The following AR variants were observed in gnomAD, a reference collection of about 807,000 sequenced individuals.
AR encodes dihydrotestosterone receptor.
In AR, 8 loss-of-function variants were observed where a neutral mutation model predicts 53.9. That is an observed-to-expected ratio of 0.15 (90% CI 0.09 to 0.27). The LOEUF is 0.27. AR is among the 10% of genes least tolerant of loss of function. The pLI is 1.00. For synonymous variants in AR, 359 were observed against 316.4 expected, an observed-to-expected ratio of 1.13 and a Z score of -1.43; for missense variants, 639 against 742.5, an observed-to-expected ratio of 0.86 and a Z score of 1.62.
intron 2 of AR, among the ~76,000 whole-genome samples, chrX:67,660,072 T>C (rs1795443365): frequency 8.9e-6 from 1 of 112,251 alleles, no homozygotes; most frequent in Admixed American, 9.4e-5. Context: ...TTTGTTTTTT[T>C]CTTGTAAATT....
intron 3 of AR, among the ~76,000 whole-genome samples, chrX:67,691,280 A>G (rs997085219): frequency 1.8e-5 from 2 of 112,362 alleles, no homozygotes; most frequent in African/African-American, 3.2e-5. Flanking sequence ...ATTGGCTTGT[A>G]TAAGAGGCCT....
chrX:67,687,457 A>T (rs922398722), intron 3 of AR, among the ~76,000 whole-genome samples: 9 of 112,151 alleles, frequency 8.0e-5, no homozygotes, highest in African/African-American at 2.6e-4. Flanking sequence ...ATGTTCTGTG[A>T]GTGGCTTTCC....
At chrX:67,672,097 T>C (rs908982548) in intron 2 of AR, among the ~76,000 whole-genome samples, 2 of 111,383 alleles carry the variant, frequency 1.8e-5, no homozygotes, top group African/African-American at 6.5e-5. Context: ...ATGTAGTCTT[T>C]TATTCCTCAC....
rs189269482 is a variant in AR, at chrX:67,684,401, C to T, written c.1769-1609C>T. Among the ~76,000 whole-genome samples the T allele has an allele frequency of 2.7e-5, 3 of 111,208 alleles. No individual in the cohort carries two copies. The East Asian group carries it at 8.5e-4, about 32-fold the overall frequency. On this transcript the variant is annotated intron_variant, in intron 2 of 7. Coordinates refer to ENST00000374690, the MANE Select transcript of AR (RefSeq NM_000044.6). ...CTTAGTTTTCTCATATGTTAAAAAC[C>T]CCTAACACAGGCCTGGTTCATAGTA...
chrX:67,635,620 C>T (rs1322955592), intron 1 of AR, among the ~76,000 whole-genome samples: 2 of 110,547 alleles, frequency 1.8e-5, no homozygotes. Context: ...GTGATCTCAG[C>T]TGGGTGCCAA....
intron 2 of AR, 67 bp downstream of exon 2, chrX:67,643,474 C>T (rs140677514): frequency 1.8e-6 from 2 of 1,118,965 alleles, no homozygotes; most frequent in South Asian, 1.9e-5. Context: ...AGACACTAAC[C>T]TTTCAGGGCC....
At chrX:67,646,649 G>T (rs965238413) in intron 2 of AR, among the ~76,000 whole-genome samples, 1 of 110,511 alleles carries the variant, frequency 9.0e-6, no homozygotes, top group Non-Finnish European at 1.9e-5. Flanking sequence ...CAGAGGTAAG[G>T]GCTCAGAGAG....
In AR at chrX:67,642,997, G is replaced by A. The variant is rs750199609; in HGVS notation, c.1617-259G>A. 6.3e-5 allele frequency among the ~76,000 whole-genome samples: 7 copies of A among 111,443 alleles called. No individual in the cohort carries two copies. In the South Asian group the frequency reaches 1.9e-3, roughly 30 times the overall value. On this transcript the variant is annotated intron_variant, in intron 1 of 7. Transcript: ENST00000374690. ...CAGGCTTCCTGCCTTCATTGCTCCC[G>A]CATATAGACATAGACTATGAGATTG... is the stretch of plus-strand genomic sequence containing the variant.
chrX:67,592,423 C>T (rs1433061471), intron 1 of AR, among the ~76,000 whole-genome samples: 1 of 111,520 alleles, frequency 9.0e-6, no homozygotes, highest in Non-Finnish European at 1.9e-5. Flanking sequence ...TCCCTGAATG[C>T]ATTTAAAATA....
chrX:67,726,304 G>C lies in AR; in HGVS notation c.*2463G>C, dbSNP rs898151018. 5.8e-6 allele frequency: 1 copy of C among 172,719 alleles called. No individual in the cohort carries two copies. Among genetic ancestry groups the C allele is most frequent in the African/African-American group, 3.0e-5 (1 of 33,735 alleles). The allele number at this position is 172,719 out of a possible 1,213,427, so 14.2% of individuals were successfully genotyped here. A position where few individuals can be genotyped will look rare whatever the true frequency, so the allele number is the denominator to read the frequency against. On this transcript the variant is annotated 3_prime_UTR_variant, in exon 8 of 8. Transcript: ENST00000374690. ...CTCATGTACAGGATCACTTTTAGCT[G>C]TTTTAAACAGAAAAAAATATCCACC...
intron 7 of AR, among the ~76,000 whole-genome samples, 192 bp from the exon 8 acceptor site, chrX:67,723,494 T>TTC (rs775253278): frequency 0.013 from 987 of 78,581 alleles, 19 homozygotes; most frequent in African/African-American, 0.039. Context: ...GACCATTTCT[T>TTC]TCTCTCTCTC....
intron 3 of AR, among the ~76,000 whole-genome samples, chrX:67,701,975 C>T (rs1488665579): frequency 9.0e-6 from 1 of 110,853 alleles, no homozygotes; most frequent in East Asian, 2.9e-4. Flanking sequence ...ATAACCCCAG[C>T]CCCACTCCTC....
At position 67,544,783 on chromosome X, in the gene AR, G is replaced by T. The variant is rs1929625693; in HGVS notation, c.-364G>T. On this transcript the variant is annotated 5_prime_UTR_variant, in exon 1 of 8. Coordinates refer to ENST00000374690, the MANE Select transcript of AR (RefSeq NM_000044.6). The stretch of plus-strand genomic sequence containing the variant: ...CAAAAAAGCCGAAATAAAAGAAAAA[G>T]ATAATAACTCAGTTCTTATTTGCAC... 5.1e-6 allele frequency: 1 copy of T among 194,879 alleles called. No homozygotes were observed. Among genetic ancestry groups the T allele is most frequent in the Non-Finnish European group, 9.4e-6 (1 of 106,062 alleles). 16.1% of individuals were successfully genotyped at this position (194,879 alleles called of 1,213,427 possible).
rs2076149508 is a variant in AR, at chrX:67,724,281, A to C, written c.*440A>C. ...ATCAAAACAAAAACAAGCAAACAAAAAAAAAAAGCAAAAACAAAACAAAAA... is the reference window on the plus strand; with the variant it reads ...ATCAAAACAAAAACAAGCAAACAAACAAAAAAAGCAAAAACAAAACAAAAA... On this transcript the variant is annotated 3_prime_UTR_variant, in exon 8 of 8. Transcript: ENST00000374690. The C allele has an allele frequency of 5.6e-6, 1 of 178,449 alleles. No homozygotes were observed. Among genetic ancestry groups the C allele is most frequent in the Non-Finnish European group, 1.1e-5 (1 of 94,847 alleles). The allele number at this position is 178,449 out of a possible 1,213,427, so 14.7% of individuals were successfully genotyped here. A position where few individuals can be genotyped will look rare whatever the true frequency, so the allele number is the denominator to read the frequency against.
chrX:67,561,283 T>G (rs1178497692), intron 1 of AR, among the ~76,000 whole-genome samples: 1 of 112,057 alleles, frequency 8.9e-6, no homozygotes, highest in African/African-American at 3.2e-5. Context: ...TAGTAGTAAG[T>G]AACTGCCAAA....
intron 3 of AR, among the ~76,000 whole-genome samples, chrX:67,692,627 C>T (rs1251303166): frequency 8.9e-6 from 1 of 112,195 alleles, no homozygotes; most frequent in Admixed American, 9.4e-5. Flanking sequence ...CTCTGAGCCT[C>T]AGTTTCTCCA....
intron 1 of AR, among the ~76,000 whole-genome samples, chrX:67,551,266 G>C (rs966865794): frequency 2.7e-5 from 3 of 110,008 alleles, no homozygotes; most frequent in Non-Finnish European, 5.7e-5. Flanking sequence ...TACCCAATAT[G>C]CATATGAGGG....
chrX:67,675,032 C>G (rs185456689), intron 2 of AR, among the ~76,000 whole-genome samples: 85 of 110,716 alleles, frequency 7.7e-4, no homozygotes, highest in African/African-American at 2.3e-3. Flanking sequence ...AGTACTGATT[C>G]CTTCCCTTCA....
At chrX:67,603,933 A>G (rs756426356) in intron 1 of AR, among the ~76,000 whole-genome samples, 84 of 111,138 alleles carry the variant, frequency 7.6e-4, no homozygotes, top group African/African-American at 2.6e-3. Flanking sequence ...TTGGCATGGC[A>G]TGGTGCAAGG....
Sources: allele counts gnomAD v4.1 joint callset (sites outside exome capture counted in the v4.1 genomes callset), GRCh38; gene constraint gnomAD v4.1.1; transcripts MANE v1.5; gene names NCBI Gene and HGNC (gene_info 2026-07-23, HGNC 2026-07-21).